Variants in RBBP4 observed in about 807,000 individuals in gnomAD.
RBBP4 encodes the protein histone-binding protein RBBP4.
Under a neutral mutation model 57.2 loss-of-function variants are expected in RBBP4, and 3 were observed. The ratio of observed to expected loss-of-function variants is 0.05; its 90% CI spans 0.02 to 0.14. The LOEUF (loss-of-function observed/expected upper bound fraction) is 0.14, where lower values mean the gene tolerates loss of function less well. Among genes scored for constraint, RBBP4 ranks in the 10% least tolerant of loss-of-function variants. The pLI is 1.00. For missense variants in RBBP4, 107 were observed against 520.6 expected, an observed-to-expected ratio of 0.21 and a Z score of 7.73; for synonymous variants, 151 against 171.5, an observed-to-expected ratio of 0.88 and a Z score of 0.93.
chr1:32,656,174 A>G (rs949363865), intron 2 of RBBP4, among the ~76,000 whole-genome samples: 1 of 152,034 alleles, frequency 6.6e-6, no homozygotes, highest in African/African-American at 2.4e-5. Context: ...CAAATTGTTT[A>G]ATTTTCTTTC....
In RBBP4 at chr1:32,656,949, G is replaced by A. The variant is rs115017979; in HGVS notation, c.165-478G>A. Among the ~76,000 whole-genome samples, 1,091 of 152,162 alleles carry A rather than the reference G, an allele frequency of 7.2e-3. 11 individuals are homozygous for A. The highest frequency in any genetic ancestry group is 0.025 in the African/African-American group (1,020 of 41,518). Reference sequence around the variant, plus strand: ...TAATTCACATTTTATTCCATAAAACGTTTTACTTTTTCTCCAGAGTAATTA... The same window carrying A: ...TAATTCACATTTTATTCCATAAAACATTTTACTTTTTCTCCAGAGTAATTA... On this transcript the variant is annotated intron_variant, in intron 2 of 11. Transcript: ENST00000373493.
chr1:32,662,175 C>T (rs889390205), intron 3 of RBBP4: 78 of 308,724 alleles, frequency 2.5e-4, no homozygotes, highest in Non-Finnish European at 3.6e-4. Flanking sequence ...TGAGCCACCG[C>T]GCCCGGGTTT....
In RBBP4 at chr1:32,684,526, A is replaced by G; in HGVS notation, c.*4821A>G. Reference sequence around the variant, plus strand: ...TGGTATTTATATGATAGGTTATGAAACAGGTTCAAAGAAGTTGTGTCTTGG... The same window carrying G: ...TGGTATTTATATGATAGGTTATGAAGCAGGTTCAAAGAAGTTGTGTCTTGG... On this transcript the variant is annotated 3_prime_UTR_variant, in exon 12 of 12. Transcript: ENST00000373493. 8.1e-7 allele frequency: 1 copy of G among 1,230,594 alleles called. No homozygotes were observed. The highest frequency in any genetic ancestry group is 1.6e-5 in the South Asian group (1 of 64,392). 76.2% of individuals were successfully genotyped at this position (1,230,594 alleles called of 1,614,324 possible). A position where few individuals can be genotyped will look rare whatever the true frequency, so the allele number is the denominator to read the frequency against.
chr1:32,663,598 A>G (rs1208358615), intron 3 of RBBP4, among the ~76,000 whole-genome samples: 2 of 147,480 alleles, frequency 1.4e-5, no homozygotes, highest in Admixed American at 6.8e-5. Flanking sequence ...TTTTTTTGAG[A>G]CAGAGTCTCG....
rs1649810903 is a variant in RBBP4 at position 32,686,086 on chromosome 1, T to C, written c.*6381T>C. On this transcript the variant is annotated 3_prime_UTR_variant, in exon 12 of 12. Coordinates refer to ENST00000373493, the MANE Select transcript of RBBP4 (RefSeq NM_005610.3). Reference sequence around the variant, plus strand: ...ATGACTAGTCTCAATTGAGATGTAATGTAAGTGTAAAATACACAGCAGATT... The same window carrying C: ...ATGACTAGTCTCAATTGAGATGTAACGTAAGTGTAAAATACACAGCAGATT... 2 of 152,208 alleles carry C rather than the reference T, an allele frequency of 1.3e-5. No individual in the cohort carries two copies. Among genetic ancestry groups the C allele is most frequent in the African/African-American group, 4.8e-5 (2 of 41,450 alleles). 9.4% of individuals were successfully genotyped at this position (152,208 alleles called of 1,614,324 possible).
Position 32,684,662 on chromosome 1 carries a change from C to G in RBBP4, c.*4957C>G. The G allele has an allele frequency of 5.2e-6, 2 of 387,724 alleles. No homozygotes were observed. The highest frequency in any genetic ancestry group is 8.3e-4 in the Middle Eastern group (1 of 1,204). 24.0% of individuals were successfully genotyped at this position (387,724 alleles called of 1,614,324 possible). On this transcript the variant is annotated 3_prime_UTR_variant, in exon 12 of 12. Transcript: ENST00000373493. ...GGGTGATTGGGACTTTTTAGTATTACAACCTTAGTGTCATTGAGGAGGATT... is the reference window on the plus strand; with the variant it reads ...GGGTGATTGGGACTTTTTAGTATTAGAACCTTAGTGTCATTGAGGAGGATT...
At chr1:32,656,716 G>A (rs1240574079) in intron 2 of RBBP4, among the ~76,000 whole-genome samples, 4 of 152,196 alleles carry the variant, frequency 2.6e-5, no homozygotes, top group African/African-American at 9.6e-5. Context: ...ATCGCGTTTG[G>A]AGCGATGTGT....
At chr1:32,672,604 A>G (rs1482848682) in intron 9 of RBBP4, 38 bp from the exon 10 acceptor site, 1 of 1,606,766 alleles carries the variant, frequency 6.2e-7, no homozygotes, top group Non-Finnish European at 8.5e-7. Context: ...ACTAAGGGTA[A>G]ATCTGTTTTA....
chr1:32,666,795 A>G (rs1395207697), intron 3 of RBBP4, among the ~76,000 whole-genome samples: 1 of 152,250 alleles, frequency 6.6e-6, no homozygotes, highest in Non-Finnish European at 1.5e-5. Flanking sequence ...TACAAAGTAG[A>G]TATAGAGATG....
Position 32,682,386 on chromosome 1 carries a change from C to A in RBBP4, c.*2681C>A, listed in dbSNP as rs895502184. 5 of 152,008 alleles carry A rather than the reference C, an allele frequency of 3.3e-5. No homozygotes were observed. Among genetic ancestry groups the A allele is most frequent in the East Asian group, 1.9e-4 (1 of 5,178 alleles). 9.4% of individuals were successfully genotyped at this position (152,008 alleles called of 1,614,324 possible). ...AGTGAGCCAAGATCGTGCCACTACT[C>A]CAGCCTGGGCAAAATAGCAAGACCC... On this transcript the variant is annotated 3_prime_UTR_variant, in exon 12 of 12. Transcript: ENST00000373493.
At chr1:32,657,331 TG>T in intron 2 of RBBP4, 95 bp from the exon 3 acceptor site, 1 of 1,226,034 alleles carries the variant, frequency 8.2e-7, no homozygotes, top group Non-Finnish European at 1.1e-6. Context: ...TCTTAAAACC[TG>T]GTTGTATTAG....
intron 2 of RBBP4, among the ~76,000 whole-genome samples, chr1:32,654,412 G>T (rs188430059): frequency 6.6e-6 from 1 of 152,150 alleles, no homozygotes; most frequent in Non-Finnish European, 1.5e-5. Context: ...TACTTAATGA[G>T]AAGTGTACTG....
At chr1:32,671,495 A>G (rs1648873020) in intron 8 of RBBP4, among the ~76,000 whole-genome samples, 1 of 151,980 alleles carries the variant, frequency 6.6e-6, no homozygotes, top group Non-Finnish European at 1.5e-5. Flanking sequence ...AGGCAGGAGA[A>G]TCGCTTGAAC....
At chr1:32,672,976 T>C in intron 11 of RBBP4, 75 bp downstream of exon 11, 1 of 1,183,630 alleles carries the variant, frequency 8.4e-7, no homozygotes, top group Non-Finnish European at 1.2e-6. Context: ...GTATATTTTA[T>C]GATTACAGCT....
intron 11 of RBBP4, among the ~76,000 whole-genome samples, chr1:32,675,228 G>T (rs576802976): frequency 1.3e-5 from 2 of 151,376 alleles, no homozygotes; most frequent in South Asian, 4.2e-4. Flanking sequence ...TAGAGACTGG[G>T]TTTCTCCATG....
At position 32,684,081 on chromosome 1, in the gene RBBP4, A is replaced by T; in HGVS notation, c.*4376A>T. 1 of 1,612,382 alleles carries T rather than the reference A, an allele frequency of 6.2e-7. No homozygotes were observed. The highest frequency in any genetic ancestry group is 8.5e-7 in the Non-Finnish European group (1 of 1,179,988). ...AGCCTGTTCCAGGCTCTTGGGTAGT[A>T]GCATAGCCCTTTAAAAAGAGAGAGC... On this transcript the variant is annotated 3_prime_UTR_variant, in exon 12 of 12. Transcript: ENST00000373493.
At chr1:32,668,529 TTTC>T in intron 4 of RBBP4, 131 bp downstream of exon 4, 1 of 1,089,956 alleles carries the variant, frequency 9.2e-7, no homozygotes, top group Non-Finnish European at 1.3e-6. Flanking sequence ...TGTGTATATT[TTTC>T]TTCATTTTGC....
chr1:32,657,153 G>T (rs1337799770), intron 2 of RBBP4, among the ~76,000 whole-genome samples: 2 of 152,120 alleles, frequency 1.3e-5, no homozygotes, highest in African/African-American at 4.8e-5. Flanking sequence ...GCAGGTTCTT[G>T]TAGTCCCAGC....
At chr1:32,675,683 G>A (rs1649070216) in intron 11 of RBBP4, among the ~76,000 whole-genome samples, 1 of 151,734 alleles carries the variant, frequency 6.6e-6, no homozygotes, top group Non-Finnish European at 1.5e-5. Context: ...GCAGGAGAAT[G>A]GCGTGAACCC....
Sources: gnomAD v4.1 joint callset for allele counts (sites outside exome capture counted in the v4.1 genomes callset) on GRCh38, gnomAD v4.1.1 for gene constraint, MANE v1.5 for transcripts, NCBI Gene and HGNC (gene_info 2026-07-23, HGNC 2026-07-21) for gene names.